The following CDK14 variants were observed in gnomAD, a reference collection of about 807,000 sequenced individuals.
CDK14 encodes cyclin dependent kinase 14, also known as cyclin-dependent kinase 14.
Under a neutral mutation model 60.7 loss-of-function variants are expected in CDK14, and 34 were observed. The observed-to-expected ratio is 0.56, with a 90% CI of 0.43 to 0.75. The LOEUF is 0.75. Ranked by LOEUF, CDK14 falls within the 30% of genes least tolerant of loss-of-function variation. The probability of loss-of-function intolerance (pLI) is 0.00; values close to 1 mark genes in which losing one functional copy is unlikely to be tolerated. For missense variants in CDK14, 482 were observed against 564.1 expected (o/e 0.85, Z 1.47); for synonymous variants, 197 against 203.7 (o/e 0.97, Z 0.28).
chr7:91,204,193 A>G (rs1049794330), intron 14 of CDK14, among the ~76,000 whole-genome samples: 1 of 152,090 alleles, frequency 6.6e-6, no homozygotes, highest in Non-Finnish European at 1.5e-5. Context: ...TCTCCTGGAA[A>G]CTTAAGGCTT....
chr7:91,114,097 C>T (rs1005814194), intron 13 of CDK14, among the ~76,000 whole-genome samples: 8 of 152,256 alleles, frequency 5.3e-5, no homozygotes, highest in African/African-American at 9.6e-5. Context: ...CACTAGTTTA[C>T]GGCTCATCAC....
At chr7:90,828,708 T>A (rs2374369) in intron 5 of CDK14, among the ~76,000 whole-genome samples, 109,236 of 152,028 alleles carry the variant, frequency 0.72, 39,469 homozygotes, top group East Asian at 0.89. Flanking sequence ...CTGACAGAAC[T>A]GTAACCATGA....
chr7:90,751,248 A>G (rs543504951), intron 4 of CDK14, among the ~76,000 whole-genome samples: 53 of 152,288 alleles, frequency 3.5e-4, no homozygotes, highest in Admixed American at 1.6e-3. Flanking sequence ...TCTAAGGTCA[A>G]TGCTAAAGAA....
At chr7:91,025,280 C>G (rs1796540212) in intron 10 of CDK14, among the ~76,000 whole-genome samples, 1 of 152,066 alleles carries the variant, frequency 6.6e-6, no homozygotes, top group African/African-American at 2.4e-5. Context: ...CCTCCTAAGT[C>G]TAAAATCAGC....
intron 14 of CDK14, among the ~76,000 whole-genome samples, chr7:91,149,105 A>G (rs1223223291): frequency 6.6e-6 from 1 of 152,216 alleles, no homozygotes; most frequent in Non-Finnish European, 1.5e-5. Flanking sequence ...ATATACAAGC[A>G]AAAGGTCCAT....
intron 2 of CDK14, among the ~76,000 whole-genome samples, chr7:90,676,717 G>A (rs973434374): frequency 1.3e-5 from 2 of 151,794 alleles, no homozygotes; most frequent in African/African-American, 4.8e-5. Flanking sequence ...CGTTTTTTTG[G>A]TAAAGATGGG....
At chr7:90,779,742 A>C (rs1805228534) in intron 4 of CDK14, among the ~76,000 whole-genome samples, 1 of 152,172 alleles carries the variant, frequency 6.6e-6, no homozygotes, top group African/African-American at 2.4e-5. Context: ...ACCTTATATT[A>C]CTTTATATTA....
At chr7:91,087,247 T>C (rs1247117199) in intron 12 of CDK14, among the ~76,000 whole-genome samples, 1 of 152,174 alleles carries the variant, frequency 6.6e-6, no homozygotes, top group South Asian at 2.1e-4. Context: ...AGGATAGAGC[T>C]CCTAGAGTAT....
chr7:91,109,986 A>T (rs1799425603), intron 12 of CDK14, among the ~76,000 whole-genome samples: 1 of 152,080 alleles, frequency 6.6e-6, no homozygotes, highest in East Asian at 1.9e-4. Context: ...CCAAGGAAAG[A>T]TTGAAAAAAG....
intron 9 of CDK14, among the ~76,000 whole-genome samples, chr7:90,968,555 A>T (rs1162295940): frequency 2.6e-5 from 4 of 152,096 alleles, no homozygotes; most frequent in Admixed American, 1.3e-4. Flanking sequence ...TATATAATTG[A>T]ATTTTCAGTT....
intron 11 of CDK14, among the ~76,000 whole-genome samples, chr7:91,061,620 T>C (rs1222325318): frequency 6.6e-6 from 1 of 152,200 alleles, no homozygotes; most frequent in Non-Finnish European, 1.5e-5. Flanking sequence ...CTTCTAACAG[T>C]CAGGACCCTC....
intron 5 of CDK14, among the ~76,000 whole-genome samples, chr7:90,836,826 G>A (rs1790116774): frequency 6.6e-6 from 1 of 152,112 alleles, no homozygotes; most frequent in Admixed American, 6.5e-5. Flanking sequence ...ACATTAGTAG[G>A]GGCTAGACAT....
At chr7:91,163,732 C>G (rs926395879) in intron 14 of CDK14, among the ~76,000 whole-genome samples, 1 of 151,988 alleles carries the variant, frequency 6.6e-6, no homozygotes, top group African/African-American at 2.4e-5. Flanking sequence ...AACTTTATAC[C>G]CTTTGACCAA....
intron 14 of CDK14, among the ~76,000 whole-genome samples, chr7:91,148,419 A>G (rs974851574): frequency 6.6e-6 from 1 of 152,212 alleles, no homozygotes; most frequent in Admixed American, 6.5e-5. Context: ...ATATAACTAC[A>G]TTTTACCCAC....
At position 90,917,736 on chromosome 7, in the gene CDK14, G is replaced by A; in HGVS notation, c.826+12G>A. On this transcript the variant is annotated intron_variant, in intron 8 of 14. Transcript: ENST00000380050. Reference sequence around the variant, plus strand: ...GCTGGCAGATTTCGGTAGGAAAGCAGTTAATTACCAGTCTATTTTGTCATA... The same window carrying A: ...GCTGGCAGATTTCGGTAGGAAAGCAATTAATTACCAGTCTATTTTGTCATA... 1 of 1,611,950 alleles carries A rather than the reference G, an allele frequency of 6.2e-7. No homozygotes were observed. The highest frequency in any genetic ancestry group is 1.1e-5 in the South Asian group (1 of 90,822).
chr7:90,611,236 G>C (rs1799532633), intron 2 of CDK14, among the ~76,000 whole-genome samples: 1 of 152,050 alleles, frequency 6.6e-6, no homozygotes, highest in South Asian at 2.1e-4. Context: ...CATAACTTCA[G>C]CCTTCTGTCC....
intron 12 of CDK14, among the ~76,000 whole-genome samples, chr7:91,096,919 A>G (rs1273450622): frequency 6.6e-6 from 1 of 152,190 alleles, no homozygotes; most frequent in Non-Finnish European, 1.5e-5. Context: ...CAAAGTGAGA[A>G]TCAAAGTAAA....
chr7:90,630,077 C>G (rs1420300265), intron 2 of CDK14, among the ~76,000 whole-genome samples: 1 of 74,532 alleles, frequency 1.3e-5, no homozygotes, highest in African/African-American at 6.2e-5. Flanking sequence ...CAAAACAAAA[C>G]AAAACAAAAC....
chr7:90,850,473 A>G (rs1790612487), intron 5 of CDK14, among the ~76,000 whole-genome samples: 1 of 152,142 alleles, frequency 6.6e-6, no homozygotes, highest in Non-Finnish European at 1.5e-5. Context: ...TGACAGGACA[A>G]CACTGCTGAG....
Sources: allele counts gnomAD v4.1 joint callset (sites outside exome capture counted in the v4.1 genomes callset), GRCh38; gene constraint gnomAD v4.1.1; transcripts MANE v1.5; gene names NCBI Gene and HGNC (gene_info 2026-07-23, HGNC 2026-07-21).